Variants in DIDO1 observed in about 807,000 individuals in gnomAD.
DIDO1 encodes death-inducer obliterator 1.
A neutral mutation model predicts 99.4 loss-of-function variants in DIDO1; 16 were observed. The ratio of observed to expected loss-of-function variants is 0.16; its 90% CI spans 0.11 to 0.24. The LOEUF (loss-of-function observed/expected upper bound fraction) is 0.24. DIDO1 is among the 10% of genes least tolerant of loss of function. The probability of loss-of-function intolerance (pLI) is 1.00; values close to 1 mark genes in which losing one functional copy is unlikely to be tolerated. For missense variants in DIDO1, 2,996 were observed against 3,014.0 expected, an observed-to-expected ratio of 0.99 and a Z score of 0.14; for synonymous variants, 1,366 against 1,239.1, an observed-to-expected ratio of 1.10 and a Z score of -2.15.
intron 1 of DIDO1, among the ~76,000 whole-genome samples, chr20:62,936,370 T>C (rs1355054855): frequency 6.7e-6 from 1 of 149,896 alleles, no homozygotes; most frequent in Non-Finnish European, 1.5e-5. Context: ...CTAGCCAACA[T>C]GGTGAAACCC....
At position 62,879,182 on chromosome 20, in the gene DIDO1, A is replaced by G. The variant is rs766880735; in HGVS notation, c.*51T>C. 3 of 1,415,596 alleles carry G rather than the reference A, an allele frequency of 2.1e-6. No homozygotes were observed. Among genetic ancestry groups the G allele is most frequent in the Admixed American group, 5.9e-5 (2 of 33,846 alleles). The allele number at this position is 1,415,596 out of a possible 1,614,324, so 87.7% of individuals were successfully genotyped here. On this transcript the variant is annotated 3_prime_UTR_variant, in exon 16 of 16. Coordinates refer to ENST00000395343, the MANE Select transcript of DIDO1 (RefSeq NM_001193369.2). The surrounding 1 kb of genome is among the most constrained non-coding windows in gnomAD (Gnocchi z 6.3). ...GGCTATTTCAAAAGCTATTTGTTCA[A>G]CGCATCTTACGAACGTGGCTTTAAA...
chr20:62,912,936 G>C (rs919925146), intron 2 of DIDO1, among the ~76,000 whole-genome samples: 1 of 152,212 alleles, frequency 6.6e-6, no homozygotes, highest in African/African-American at 2.4e-5. Context: ...GGAGGCTGAG[G>C]CAGGAGAATT....
At chr20:62,927,153 G>A (rs978120873), upstream of DIDO1, among the ~76,000 whole-genome samples, 1 of 152,182 alleles carries the variant, frequency 6.6e-6, no homozygotes, top group African/African-American at 2.4e-5. Context: ...AGGGAGGCGG[G>A]CACGCTGGAC....
At position 62,907,328 on chromosome 20, in the gene DIDO1, A is replaced by G. The variant is rs2064830080; in HGVS notation, c.1193T>C (p.Ile398Thr). 6.2e-7 allele frequency: 1 copy of G among 1,614,196 alleles called. No homozygotes were observed. The highest frequency in any genetic ancestry group is 8.5e-7 in the Non-Finnish European group (1 of 1,180,046). Residue 398 changes from isoleucine (I) to threonine (T), a missense_variant, in exon 5 of 16, where the codon ATT becomes ACT. Transcript: ENST00000395343. Reference sequence around the variant, plus strand: ...CGCCACGTGACAGCACCCGGGGCCAATACATTTTGAGGCACCAGGCGCCTC... The same window carrying G: ...CGCCACGTGACAGCACCCGGGGCCAGTACATTTTGAGGCACCAGGCGCCTC... ...VIEAPGASKC[I>T]GPGCCHVAQP...
rs562068118 is a variant in DIDO1, at chr20:62,907,537, G to A, written c.1162-178C>T. On this transcript the variant is annotated intron_variant, in intron 4 of 15. Transcript: ENST00000395343. The stretch of plus-strand genomic sequence containing the variant: ...TTCAAGCTATGAAAAAGCCAGGTAA[G>A]GCATTCACACTGTCACTGCCCGTCA... Among the ~76,000 whole-genome samples, 3 of 152,378 alleles carry A rather than the reference G, an allele frequency of 2.0e-5. No homozygotes were observed. The South Asian group carries it at 6.2e-4, about 32-fold the overall frequency.
chr20:62,903,621 T>C (rs3746763), intron 6 of DIDO1, among the ~76,000 whole-genome samples: 2 of 152,112 alleles, frequency 1.3e-5, no homozygotes, highest in Admixed American at 1.3e-4. Context: ...CTGTCACCAA[T>C]GTCTCTAACT....
In DIDO1 at chr20:62,880,624, CTGGCCCCCT is replaced by C; in HGVS notation, c.5323_5331del (p.Arg1775_Pro1777del). The C allele has an allele frequency of 6.2e-7, 1 of 1,612,922 alleles. No individual in the cohort carries two copies. ...ATATTCTCTTCTGGAAACGGAGGGG[CTGGCCCCCT>C]TGGTCCCGGGAAATTGGGGCCGTGA... On this transcript the variant is annotated inframe_deletion, in exon 16 of 16. Transcript: ENST00000395343.
In DIDO1 at chr20:62,911,727, T is replaced by TA; in HGVS notation, c.-2-114dup. On this transcript the variant is annotated intron_variant, in intron 2 of 15. Transcript: ENST00000395343. The surrounding 1 kb of genome is among the most constrained non-coding windows in gnomAD (Gnocchi z 7.0). ...TCCCTACAAACAGTGGAGCTCTACA[T>TA]AAAGCAAGTCCTTCTGACCAGTGTT... 1.1e-6 allele frequency: 1 copy of TA among 883,814 alleles called. No homozygotes were observed. 54.7% of individuals were successfully genotyped at this position (883,814 alleles called of 1,614,324 possible). A position where few individuals can be genotyped will look rare whatever the true frequency, so the allele number is the denominator to read the frequency against.
At chr20:62,921,879 T>C (rs2065144360) in intron 1 of DIDO1, among the ~76,000 whole-genome samples, 1 of 150,550 alleles carries the variant, frequency 6.6e-6, no homozygotes, top group African/African-American at 2.4e-5. Context: ...ATATCCACAA[T>C]ATATATACAC....
At position 62,880,552 on chromosome 20, in the gene DIDO1, C is replaced by G. The variant is rs750849525; in HGVS notation, c.5404G>C (p.Ala1802Pro). 7 of 1,613,026 alleles carry G rather than the reference C, an allele frequency of 4.3e-6. No homozygotes were observed. The highest frequency in any genetic ancestry group is 5.9e-6 in the Non-Finnish European group (7 of 1,180,010). Residue 1802 changes from alanine (A) to proline (P), a missense_variant, in exon 16 of 16, where the codon GCC becomes CCC. Ala to Pro is a conservative substitution (Grantham distance 27). Transcript: ENST00000395343. The stretch of plus-strand genomic sequence containing the variant: ...AAGGAAGGGATGGGCCCCTTCTGGG[C>G]TCCGAATCTGGCTGGCGGAGGCCCT... ...PRGPPPARFG[A>P]QKGPIPSLFS...
chr20:62,911,515 G>A lies in DIDO1; in HGVS notation c.98C>T (p.Thr33Ile). ...CCCTGCGCCCTCTCGCTTGGCGATA[G>A]TGGTCCTTCGAAAACCCCATGTTTT... ...FRKTWGFRRT[T>I]IAKREGAGDA... The change falls in exon 3 of 16, where the codon ACT (threonine) becomes ATT (isoleucine). Residue 33 changes from threonine (T) to isoleucine (I), a missense_variant. By Grantham distance (89) the Thr-to-Ile change is moderately conservative (BLOSUM62 -1). This residue lies in a region of DIDO1 where 388 missense variants were observed against 376.6 expected (regional missense o/e 1.03). Transcript: ENST00000395343. The surrounding 1 kb of genome is among the most constrained non-coding windows in gnomAD (Gnocchi z 7.0). 1 of 1,612,728 alleles carries A rather than the reference G, an allele frequency of 6.2e-7. No homozygotes were observed. The highest frequency in any genetic ancestry group is 8.5e-7 in the Non-Finnish European group (1 of 1,179,408).
intron 15 of DIDO1, chr20:62,887,873 C>G (rs767163332): frequency 2.0e-6 from 2 of 985,356 alleles, no homozygotes; most frequent in African/African-American, 1.7e-5. Context: ...TCCCAGCTGC[C>G]CCCCACCGTG....
chr20:62,885,975 G>A (rs1476926660), intron 15 of DIDO1, among the ~76,000 whole-genome samples: 1 of 152,196 alleles, frequency 6.6e-6, no homozygotes, highest in Non-Finnish European at 1.5e-5. Flanking sequence ...CTGTTCCCAG[G>A]CTAGCCCCTC....
chr20:62,906,260 C>G (rs2064802336), intron 5 of DIDO1, among the ~76,000 whole-genome samples, 160 bp from the exon 6 acceptor site: 1 of 152,236 alleles, frequency 6.6e-6, no homozygotes, highest in African/African-American at 2.4e-5. Flanking sequence ...AACACACTTG[C>G]GTATTCGGTG....
rs746338717 is a variant in DIDO1 at position 62,893,998 on chromosome 20, A to G, written c.2769T>C (p.Asn923=). The G allele has an allele frequency of 6.2e-7, 1 of 1,614,186 alleles. No homozygotes were observed. Among genetic ancestry groups the G allele is most frequent in the Non-Finnish European group, 8.5e-7 (1 of 1,180,042 alleles). ...EPGLESASHP[N]VDRTYFPGPP... is the part of the protein sequence containing the mutation. Reference sequence around the variant, plus strand: ...GCCCAGGGAAATACGTTCTGTCCACATTTGGATGAGAAGCACTTTCTAGGC... The same window carrying G: ...GCCCAGGGAAATACGTTCTGTCCACGTTTGGATGAGAAGCACTTTCTAGGC... The change falls in exon 12 of 16, where the codon AAT becomes AAC. Residue 923 remains asparagine (N), a synonymous_variant. Coordinates refer to ENST00000395343, the MANE Select transcript of DIDO1 (RefSeq NM_001193369.2).
intron 1 of DIDO1, among the ~76,000 whole-genome samples, chr20:62,932,233 CT>C (rs1485066101): frequency 1.3e-5 from 2 of 152,204 alleles, no homozygotes; most frequent in Non-Finnish European, 2.9e-5. Context: ...TGGCTCACGC[CT>C]GTAATCCTGA....
chr20:62,890,676 T>C (rs2064377981), intron 15 of DIDO1: 2 of 1,278,922 alleles, frequency 1.6e-6, no homozygotes, highest in Non-Finnish European at 2.0e-6. Context: ...TTCTGGGCAC[T>C]GAGTCTTCTC....
rs770940137 is a variant in DIDO1, at chr20:62,879,803, G to A, written c.6153C>T (p.Ser2051=). 3 of 1,610,820 alleles carry A rather than the reference G, an allele frequency of 1.9e-6. No individual in the cohort carries two copies. The highest frequency in any genetic ancestry group is 1.1e-5 in the South Asian group (1 of 91,024). The change falls in exon 16 of 16, where the codon TCC becomes TCT. Residue 2051 remains serine, a synonymous_variant. Transcript: ENST00000395343. The surrounding 1 kb of genome is among the most constrained non-coding windows in gnomAD (Gnocchi z 6.3). ...CGGGGCCCTGTCCGGGCGCACTGGAGGAGAGCGCGGAGGGCGGCCCGGCCT... is the reference window on the plus strand; with the variant it reads ...CGGGGCCCTGTCCGGGCGCACTGGAAGAGAGCGCGGAGGGCGGCCCGGCCT... ...WEEAGPPSAL[S]SSAPGQGPEA...
At chr20:62,899,386 GT>G (rs1208103385) in intron 6 of DIDO1, among the ~76,000 whole-genome samples, 1 of 152,216 alleles carries the variant, frequency 6.6e-6, no homozygotes, top group African/African-American at 2.4e-5. Context: ...CTTGTTGCAA[GT>G]TAGGGTTACA....
Sources: gnomAD v4.1 joint callset for allele counts (sites outside exome capture counted in the v4.1 genomes callset) on GRCh38, gnomAD v4.1.1 for gene constraint, gnomAD v4.1.1 regional missense constraint, Gnocchi (gnomAD v3.1) non-coding constraint, MANE v1.5 for transcripts, NCBI Gene and HGNC (gene_info 2026-07-23, HGNC 2026-07-21) for gene names.